Variants in SYT9 observed in about 807,000 individuals in gnomAD.
SYT9 encodes synaptotagmin-9.
A neutral mutation model predicts 48.4 loss-of-function variants in SYT9; 22 were observed. That is an observed-to-expected ratio of 0.45 (90% CI 0.32 to 0.65). The LOEUF is 0.65. Among genes scored for constraint, SYT9 ranks in the 30% least tolerant of loss-of-function variants. The probability of loss-of-function intolerance (pLI) is 0.03; values close to 1 mark genes in which losing one functional copy is unlikely to be tolerated. For synonymous variants in SYT9, 265 were observed against 245.0 expected, an observed-to-expected ratio of 1.08 and a Z score of -0.76; for missense variants, 577 against 622.0, an observed-to-expected ratio of 0.93 and a Z score of 0.77.
At chr11:7,449,474 A>T (rs1200473349) in intron 6 of SYT9, among the ~76,000 whole-genome samples, 2 of 152,206 alleles carry the variant, frequency 1.3e-5, no homozygotes, top group Non-Finnish European at 2.9e-5. Flanking sequence ...GAGAACCAGG[A>T]TTCAGTTGAA....
chr11:7,427,144 C>A (rs372138390), intron 6 of SYT9: 1 of 152,048 alleles, frequency 6.6e-6, no homozygotes, highest in Non-Finnish European at 1.5e-5. Context: ...ATTGAGTTCC[C>A]TTCGTTCTAA....
chr11:7,381,783 T>C (rs1363618316), intron 3 of SYT9, among the ~76,000 whole-genome samples: 1 of 152,218 alleles, frequency 6.6e-6, no homozygotes, highest in African/African-American at 2.4e-5. Context: ...TGAGCAATTA[T>C]TACACTTACT....
intron 3 of SYT9, among the ~76,000 whole-genome samples, chr11:7,387,520 CAG>C (rs1486487408): frequency 6.6e-6 from 1 of 152,114 alleles, no homozygotes; most frequent in African/African-American, 2.4e-5. Flanking sequence ...ACGATAATGA[CAG>C]AATGAATTCT....
At chr11:7,451,365 G>A (rs76601767) in intron 6 of SYT9, among the ~76,000 whole-genome samples, 125 of 152,272 alleles carry the variant, frequency 8.2e-4, no homozygotes, top group African/African-American at 2.9e-3. Context: ...AAGACTAAAT[G>A]TTGTATTTGC....
At chr11:7,421,212 G>T (rs539359599) in intron 6 of SYT9, among the ~76,000 whole-genome samples, 33 of 152,292 alleles carry the variant, frequency 2.2e-4, no homozygotes, top group African/African-American at 7.9e-4. Context: ...ATCAACAAGA[G>T]ACCTAGACTT....
chr11:7,374,462 A>G (rs1451223256), intron 3 of SYT9, among the ~76,000 whole-genome samples: 3 of 152,172 alleles, frequency 2.0e-5, no homozygotes, highest in Admixed American at 2.0e-4. Context: ...ATCAAATGGT[A>G]TTTCTAGTTC....
At chr11:7,379,431 CA>C (rs1850517123) in intron 3 of SYT9, among the ~76,000 whole-genome samples, 1 of 152,136 alleles carries the variant, frequency 6.6e-6, no homozygotes, top group East Asian at 1.9e-4. Flanking sequence ...CAGCCCTCAT[CA>C]TTTCTGGTCT....
intron 6 of SYT9, among the ~76,000 whole-genome samples, chr11:7,421,656 A>G (rs1284727411): frequency 2.0e-5 from 3 of 151,578 alleles, no homozygotes; most frequent in African/African-American, 7.3e-5. Flanking sequence ...TCATTGATTC[A>G]CTCTCTTATT....
At chr11:7,340,304 TCTC>T (rs1315391405) in intron 3 of SYT9, among the ~76,000 whole-genome samples, 3 of 152,336 alleles carry the variant, frequency 2.0e-5, no homozygotes, top group Non-Finnish European at 2.9e-5. Flanking sequence ...AGTTTGCCAT[TCTC>T]CTAAATTTTA....
rs1234795220 is a variant in SYT9 at position 7,252,000 on chromosome 11, G to A, written c.-187G>A. On this transcript the variant is annotated 5_prime_UTR_variant, in exon 1 of 7. Coordinates refer to ENST00000318881, the MANE Select transcript of SYT9 (RefSeq NM_175733.4). Reference sequence around the variant, plus strand: ...AAAGCCTGACCGACCGGCTGGCGAAGAGCTGCATGCAACCGGTGGGAGGCC... The same window carrying A: ...AAAGCCTGACCGACCGGCTGGCGAAAAGCTGCATGCAACCGGTGGGAGGCC... The A allele has an allele frequency of 9.3e-6, 5 of 536,636 alleles. No individual in the cohort carries two copies. The highest frequency in any genetic ancestry group is 1.5e-5 in the Non-Finnish European group (5 of 336,646). The allele number at this position is 536,636 out of a possible 1,614,324, so 33.2% of individuals were successfully genotyped here.
At chr11:7,454,289 CTT>C in intron 6 of SYT9, 7 of 985,278 alleles carry the variant, frequency 7.1e-6, no homozygotes, top group Non-Finnish European at 8.4e-6. Context: ...GAGGAATGGT[CTT>C]TTTTGCATCT....
intron 3 of SYT9, among the ~76,000 whole-genome samples, chr11:7,395,928 C>T (rs974360691): frequency 6.6e-6 from 1 of 151,916 alleles, no homozygotes; most frequent in African/African-American, 2.4e-5. Flanking sequence ...TTTATAGAGT[C>T]TTTGGCTTAT....
Position 7,292,516 on chromosome 11 carries a change from C to T in SYT9, c.146-10523C>T, listed in dbSNP as rs1366309212. Among the ~76,000 whole-genome samples, 3 of 152,196 alleles carry T rather than the reference C, an allele frequency of 2.0e-5. No homozygotes were observed. The East Asian group carries it at 5.8e-4, about 29-fold the overall frequency. ...CAGGCCACAAAGCTGGTCTCCATTTCCTGAATCCCATTCCCCTCCAACTCC... is the reference window on the plus strand; with the variant it reads ...CAGGCCACAAAGCTGGTCTCCATTTTCTGAATCCCATTCCCCTCCAACTCC... On this transcript the variant is annotated intron_variant, in intron 1 of 6. Coordinates refer to ENST00000318881, the MANE Select transcript of SYT9 (RefSeq NM_175733.4).
chr11:7,385,385 C>A (rs1850639607), intron 3 of SYT9, among the ~76,000 whole-genome samples: 1 of 151,318 alleles, frequency 6.6e-6, no homozygotes, highest in Non-Finnish European at 1.5e-5. Context: ...TGTGTCCATG[C>A]AGCTAATTCA....
intron 3 of SYT9, among the ~76,000 whole-genome samples, chr11:7,333,272 A>G (rs1024984609): frequency 2.0e-5 from 3 of 152,116 alleles, no homozygotes; most frequent in Non-Finnish European, 2.9e-5. Context: ...CATATTTGCA[A>G]TCTTTATCTT....
rs138513426 is a variant in SYT9 at position 7,462,796 on chromosome 11, G to A, written c.1468-3996G>A. Reference sequence around the variant, plus strand: ...CATTTTTGACAAGCTTCTTAGTTCAGAGCCCTTAGGTACTTCCTGTAATAA... The same window carrying A: ...CATTTTTGACAAGCTTCTTAGTTCAAAGCCCTTAGGTACTTCCTGTAATAA... On this transcript the variant is annotated intron_variant, in intron 6 of 6. Coordinates refer to ENST00000318881, the MANE Select transcript of SYT9 (RefSeq NM_175733.4). 3.1e-3 allele frequency among the ~76,000 whole-genome samples: 469 copies of A among 152,236 alleles called. 1 individual carries two copies. Among genetic ancestry groups the A allele is most frequent in the Non-Finnish European group, 4.8e-3 (326 of 68,012 alleles).
chr11:7,261,013 G>A lies in SYT9; in HGVS notation c.145+8682G>A, dbSNP rs142175432. Reference sequence around the variant, plus strand: ...AGTTATAGGGCCCAAGAGGGAATACGCATGGCAGGCCTGCCTAGTGCCCAC... The same window carrying A: ...AGTTATAGGGCCCAAGAGGGAATACACATGGCAGGCCTGCCTAGTGCCCAC... On this transcript the variant is annotated intron_variant, in intron 1 of 6. Coordinates refer to ENST00000318881, the MANE Select transcript of SYT9 (RefSeq NM_175733.4). Among the ~76,000 whole-genome samples the A allele has an allele frequency of 2.5e-3, 377 of 152,258 alleles. 2 individuals carry two copies. Among genetic ancestry groups the A allele is most frequent in the Non-Finnish European group, 1.3e-3 (88 of 68,018 alleles).
chr11:7,454,620 A>G (rs1848114652), intron 6 of SYT9, among the ~76,000 whole-genome samples: 1 of 152,260 alleles, frequency 6.6e-6, no homozygotes, highest in Non-Finnish European at 1.5e-5. Flanking sequence ...TGCCAATAGG[A>G]AACTGCCTAC....
Position 7,313,677 on chromosome 11 carries a change from CA to C in SYT9, c.782del (p.Lys261ArgfsTer21). Reference protein sequence around the residue: ...DFSGTSDPYVKIYLLPDRKTK... With the variant: ...DFSGTSDPYVXIYLLPDRKTK... Reference sequence around the variant, plus strand: ...TTTCTGGGACTTCAGATCCTTATGTCAAGATCTATTTGCTTCCTGATCGGAA... The same window carrying C: ...TTTCTGGGACTTCAGATCCTTATGTCAGATCTATTTGCTTCCTGATCGGAA... On this transcript the variant is annotated frameshift_variant, in exon 3 of 7. Coordinates refer to ENST00000318881, the MANE Select transcript of SYT9 (RefSeq NM_175733.4). LOFTEE classifies it high-confidence loss of function. The C allele has an allele frequency of 6.2e-7, 1 of 1,614,216 alleles. No individual in the cohort carries two copies.
Sources: gnomAD v4.1 joint callset for allele counts (sites outside exome capture counted in the v4.1 genomes callset) on GRCh38, gnomAD v4.1.1 for gene constraint, MANE v1.5 for transcripts, NCBI Gene and HGNC (gene_info 2026-07-23, HGNC 2026-07-21) for gene names.